Variants in RIMS2 observed in about 807,000 individuals in gnomAD.
RIMS2 encodes regulating synaptic membrane exocytosis protein 2.
A neutral mutation model predicts 174.4 loss-of-function variants in RIMS2; 59 were observed. The ratio of observed to expected loss-of-function variants is 0.34; its 90% CI spans 0.27 to 0.42. The LOEUF is 0.42. Ranked by LOEUF, RIMS2 falls within the 10% of genes least tolerant of loss-of-function variation. The probability of loss-of-function intolerance (pLI) is 1.00; values close to 1 mark genes in which losing one functional copy is unlikely to be tolerated. For synonymous variants in RIMS2, 606 were observed against 572.5 expected (o/e 1.06, Z -0.84); for missense variants, 1,620 against 1,666.3 (o/e 0.97, Z 0.48).
intron 2 of RIMS2, among the ~76,000 whole-genome samples, chr8:103,749,866 A>G (rs1564497358): frequency 2.6e-5 from 4 of 152,180 alleles, no homozygotes; most frequent in Non-Finnish European, 5.9e-5. Context: ...TGGTTTCCAA[A>G]GTAAATTAGT....
chr8:103,792,730 T>G (rs1348720973), intron 3 of RIMS2, among the ~76,000 whole-genome samples: 1 of 137,440 alleles, frequency 7.3e-6, no homozygotes, highest in Non-Finnish European at 1.6e-5. Flanking sequence ...ATAGACGCAA[T>G]AAAAAATGAG....
chr8:103,938,963 G>C (rs1464228203), intron 13 of RIMS2, among the ~76,000 whole-genome samples: 1 of 152,208 alleles, frequency 6.6e-6, no homozygotes, highest in Admixed American at 6.5e-5. Flanking sequence ...CTCTACCCCT[G>C]TGGCTTTGCA....
chr8:103,512,397 G>T (rs577499920), intron 1 of RIMS2, among the ~76,000 whole-genome samples: 1 of 152,170 alleles, frequency 6.6e-6, no homozygotes, highest in African/African-American at 2.4e-5. Context: ...AACAACAAAG[G>T]TTTATTTCTT....
chr8:104,248,156 G>A (rs2099346035), intron 20 of RIMS2, among the ~76,000 whole-genome samples: 1 of 152,060 alleles, frequency 6.6e-6, no homozygotes, highest in Admixed American at 6.5e-5. Flanking sequence ...AGAATGAGAG[G>A]AAAGAAATTG....
At chr8:104,093,754 C>G (rs776892709) in intron 19 of RIMS2, 111 bp downstream of exon 24, 7 of 806,024 alleles carry the variant, frequency 8.7e-6, no homozygotes, top group Non-Finnish European at 1.3e-5. Flanking sequence ...TATTTTAAAG[C>G]CAGGGGAGCT....
chr8:103,908,091 G>T (rs958199938), intron 4 of RIMS2, among the ~76,000 whole-genome samples: 6 of 151,592 alleles, frequency 4.0e-5, no homozygotes, highest in African/African-American at 1.5e-4. Flanking sequence ...CTCCAGGCTG[G>T]AGTGCAGTGG....
At chr8:103,548,664 G>C (rs918784370) in intron 1 of RIMS2, among the ~76,000 whole-genome samples, 4 of 152,168 alleles carry the variant, frequency 2.6e-5, no homozygotes, top group Non-Finnish European at 5.9e-5. Flanking sequence ...GGAAGTCCTA[G>C]CTAGAGCAAT....
intron 2 of RIMS2, among the ~76,000 whole-genome samples, chr8:103,733,222 C>G (rs2097632522): frequency 6.6e-6 from 1 of 152,132 alleles, no homozygotes; most frequent in Admixed American, 6.5e-5. Context: ...GCAATGTTGT[C>G]TGGGAGCTAG....
intron 19 of RIMS2, among the ~76,000 whole-genome samples, chr8:104,064,994 A>T (rs1485870943): frequency 6.6e-6 from 1 of 152,118 alleles, no homozygotes; most frequent in Non-Finnish European, 1.5e-5. Context: ...AAGAAAATTA[A>T]TCTTAGAGAT....
intron 19 of RIMS2, among the ~76,000 whole-genome samples, chr8:104,126,082 C>T (rs1316022206): frequency 2.6e-5 from 4 of 152,024 alleles, no homozygotes; most frequent in African/African-American, 9.7e-5. Flanking sequence ...TCAGTGATTC[C>T]CCAATCTTTT....
At chr8:103,570,948 T>A (rs1257984062) in intron 1 of RIMS2, among the ~76,000 whole-genome samples, 1 of 152,208 alleles carries the variant, frequency 6.6e-6, no homozygotes, top group African/African-American at 2.4e-5. Flanking sequence ...GTTTTTCCTA[T>A]ACCAATGACA....
intron 3 of RIMS2, among the ~76,000 whole-genome samples, chr8:103,845,065 A>G (rs965512563): frequency 1.3e-5 from 2 of 152,038 alleles, no homozygotes; most frequent in African/African-American, 4.8e-5. Context: ...TTTGTTTTTT[A>G]ACAAAATAAA....
At chr8:104,117,964 CA>C (rs1349521395) in intron 19 of RIMS2, among the ~76,000 whole-genome samples, 1 of 152,130 alleles carries the variant, frequency 6.6e-6, no homozygotes, top group Non-Finnish European at 1.5e-5. Flanking sequence ...TATGATTACA[CA>C]GATTGTTTAG....
chr8:103,632,239 C>T (rs993977080), intron 1 of RIMS2, among the ~76,000 whole-genome samples: 6 of 152,130 alleles, frequency 3.9e-5, no homozygotes, highest in South Asian at 2.1e-4. Context: ...TTTGCTCATT[C>T]AGTATAATGT....
Position 104,165,653 on chromosome 8 carries a change from CT to C in RIMS2, c.3335-79253del, listed in dbSNP as rs1045861951. ...CTTTATCTGTCCTTGCTATCAACTG[CT>C]TTTTTTTTTCTTAAAATAGTCCACT... On this transcript the variant is annotated intron_variant, in intron 19 of 23. Coordinates refer to ENST00000504942, the Ensembl canonical transcript of RIMS2. Among the ~76,000 whole-genome samples the C allele has an allele frequency of 1.1e-4, 16 of 146,730 alleles. No homozygotes were observed. In the South Asian group the frequency reaches 1.3e-3, roughly 12 times the overall value.
intron 1 of RIMS2, among the ~76,000 whole-genome samples, chr8:103,573,689 AT>A: frequency 6.6e-6 from 1 of 152,252 alleles, no homozygotes; most frequent in South Asian, 2.1e-4. Flanking sequence ...TGCTTTGGCT[AT>A]TTAGGCTCTT....
chr8:103,753,284 T>C (rs1224948184), intron 2 of RIMS2, among the ~76,000 whole-genome samples: 3 of 152,274 alleles, frequency 2.0e-5, no homozygotes, highest in African/African-American at 2.4e-5. Flanking sequence ...AGGGATGAAG[T>C]CCACTTGATC....
chr8:103,548,623 C>T (rs531352334), intron 1 of RIMS2, among the ~76,000 whole-genome samples: 1 of 152,158 alleles, frequency 6.6e-6, no homozygotes, highest in South Asian at 2.1e-4. Context: ...CAAGGATGCC[C>T]ACTCTTAACC....
chr8:103,582,330 T>G (rs1214422850), intron 1 of RIMS2, among the ~76,000 whole-genome samples: 1 of 152,170 alleles, frequency 6.6e-6, no homozygotes, highest in Non-Finnish European at 1.5e-5. Context: ...TGAGACTTGC[T>G]GGCATCAGAT....
Sources: allele counts gnomAD v4.1 joint callset (sites outside exome capture counted in the v4.1 genomes callset), GRCh38; gene constraint gnomAD v4.1.1; transcripts MANE v1.5; gene names NCBI Gene and HGNC (gene_info 2026-07-23, HGNC 2026-07-21).